The following OR2L13 variants were observed in gnomAD, a reference collection of about 807,000 sequenced individuals.
The protein encoded by OR2L13 is olfactory receptor 2L13.
OR2L13 carries 14 observed loss-of-function variants against 15.3 expected under a neutral mutation model. The observed-to-expected ratio is 0.91, with a 90% CI of 0.60 to 1.43. The LOEUF (loss-of-function observed/expected upper bound fraction) is 1.43, where lower values mean the gene tolerates loss of function less well. OR2L13 is among the 40% of genes most tolerant of loss of function. OR2L13 has a pLI of 0.00. For missense variants in OR2L13, 367 were observed against 387.9 expected (o/e 0.95, Z 0.45); for synonymous variants, 152 against 142.9 (o/e 1.06, Z -0.45).
chr1:248,022,452 A>T, the OR2L13 span: 2 of 1,614,212 alleles, frequency 1.2e-6, no homozygotes, highest in Non-Finnish European at 1.7e-6. Flanking sequence ...CCCATATTGC[A>T]AGTCCAGAGC....
chr1:248,007,227 G>A, the OR2L13 span, among the ~76,000 whole-genome samples: 1 of 152,096 alleles, frequency 6.6e-6, no homozygotes, highest in Non-Finnish European at 1.5e-5. Flanking sequence ...TGGCATCATT[G>A]AAATCACTCC....
At chr1:247,981,132 A>G in the OR2L13 span, among the ~76,000 whole-genome samples, 1,810 of 152,294 alleles carry the variant, frequency 0.012, 22 homozygotes, top group South Asian at 0.037. Flanking sequence ...CTGCTAACTC[A>G]TAAATGTGTT....
the OR2L13 span, among the ~76,000 whole-genome samples, chr1:248,073,961 A>C: frequency 6.6e-6 from 1 of 152,052 alleles, no homozygotes; most frequent in South Asian, 2.1e-4. Flanking sequence ...AGAAAAGCCC[A>C]CTAATTGTAT....
the OR2L13 span, among the ~76,000 whole-genome samples, chr1:247,978,249 G>T: frequency 6.6e-5 from 10 of 152,100 alleles, no homozygotes; most frequent in Non-Finnish European, 1.0e-4. Flanking sequence ...ACATACTTCA[G>T]CTGACATATG....
chr1:247,961,106 G>A, the OR2L13 span, among the ~76,000 whole-genome samples: 1 of 152,214 alleles, frequency 6.6e-6, no homozygotes, highest in African/African-American at 2.4e-5. Context: ...TATTTTCATT[G>A]AGATATAAAA....
chr1:248,060,151 T>C, the OR2L13 span, among the ~76,000 whole-genome samples: 1 of 152,196 alleles, frequency 6.6e-6, no homozygotes, highest in African/African-American at 2.4e-5. Flanking sequence ...TTTCTATGCA[T>C]ATGTATTCAA....
At chr1:248,077,790 G>T in the OR2L13 span, among the ~76,000 whole-genome samples, 2 of 152,138 alleles carry the variant, frequency 1.3e-5, no homozygotes, top group East Asian at 3.8e-4. Flanking sequence ...TAGAGAATAT[G>T]CAGGTAACTA....
At chr1:248,037,345 G>T in the OR2L13 span, among the ~76,000 whole-genome samples, 1 of 152,046 alleles carries the variant, frequency 6.6e-6, no homozygotes, top group Non-Finnish European at 1.5e-5. Flanking sequence ...AATTTAGTGA[G>T]AAAAATCATC....
the OR2L13 span, among the ~76,000 whole-genome samples, chr1:247,959,670 C>A: frequency 1.7e-4 from 26 of 152,272 alleles, no homozygotes; most frequent in Non-Finnish European, 3.4e-4. Flanking sequence ...CTAAACTTCT[C>A]TTCTCACTTC....
At chr1:247,956,347 C>A in the OR2L13 span, among the ~76,000 whole-genome samples, 10 of 151,178 alleles carry the variant, frequency 6.6e-5, no homozygotes, top group Admixed American at 5.3e-4. Context: ...GTTACTGTAG[C>A]CTTGTAGTAT....
the OR2L13 span, among the ~76,000 whole-genome samples, chr1:248,078,349 C>T: frequency 6.6e-6 from 1 of 151,694 alleles, no homozygotes; most frequent in Non-Finnish European, 1.5e-5. Context: ...GGCGTGGTGA[C>T]GTAGTCCCAG....
the OR2L13 span, among the ~76,000 whole-genome samples, chr1:248,052,350 G>T: frequency 6.6e-6 from 1 of 152,132 alleles, no homozygotes; most frequent in Non-Finnish European, 1.5e-5. Flanking sequence ...GCTATTTCTT[G>T]ACTCTGTTTT....
At chr1:247,997,959 T>C in the OR2L13 span, among the ~76,000 whole-genome samples, 1 of 152,152 alleles carries the variant, frequency 6.6e-6, no homozygotes, top group African/African-American at 2.4e-5. Flanking sequence ...TGAATGAATA[T>C]ATACATTTCT....
the OR2L13 span, among the ~76,000 whole-genome samples, chr1:248,082,892 T>C: frequency 6.6e-6 from 1 of 152,230 alleles, no homozygotes; most frequent in African/African-American, 2.4e-5. Context: ...TCTATGTCCA[T>C]AAGTCAAGGT....
the OR2L13 span, among the ~76,000 whole-genome samples, chr1:248,073,349 C>T: frequency 2.6e-5 from 4 of 152,108 alleles, no homozygotes; most frequent in Non-Finnish European, 5.9e-5. Context: ...AATTGGAAAT[C>T]ATCTTTCTCA....
chr1:248,010,763 G>GTTTTTTTTTTTTTTTTTT, the OR2L13 span, among the ~76,000 whole-genome samples: 66 of 44,474 alleles, frequency 1.5e-3, 5 homozygotes, highest in East Asian at 2.5e-3. Flanking sequence ...CTTTGTTGTT[G>GTTTTTTTTTTTTTTTTTT]TTTTTTTTTT....
At chr1:248,004,035 G>T in the OR2L13 span, 6 of 1,612,100 alleles carry the variant, frequency 3.7e-6, no homozygotes, top group African/African-American at 5.4e-5. Context: ...GCCCTGACAC[G>T]AGTGAGTCAG....
chr1:247,952,134 A>T, the OR2L13 span, among the ~76,000 whole-genome samples: 3 of 152,084 alleles, frequency 2.0e-5, no homozygotes, highest in Non-Finnish European at 4.4e-5. Flanking sequence ...ATTCATACTC[A>T]GAGATGAAAT....
At chr1:248,035,397 C>T in the OR2L13 span, among the ~76,000 whole-genome samples, 2 of 151,696 alleles carry the variant, frequency 1.3e-5, no homozygotes, top group African/African-American at 4.8e-5. Context: ...TGCAGTGAGC[C>T]GAGATCGCGC....
Sources: gnomAD v4.1 joint callset for allele counts (sites outside exome capture counted in the v4.1 genomes callset) on GRCh38, gnomAD v4.1.1 for gene constraint, MANE v1.5 for transcripts, NCBI Gene and HGNC (gene_info 2026-07-23, HGNC 2026-07-21) for gene names.